UTP25: variants seen among roughly 807,000 people sequenced by gnomAD.
UTP25 encodes the protein UTP25 small subunit processome component, also known as U3 small nucleolar RNA-associated protein 25 homolog.
UTP25 carries 50 observed loss-of-function variants against 78.9 expected under a neutral mutation model. The ratio of observed to expected loss-of-function variants is 0.63; its 90% CI spans 0.50 to 0.80. The LOEUF (loss-of-function observed/expected upper bound fraction) is 0.80. Among genes scored for constraint, UTP25 ranks in the 30% least tolerant of loss-of-function variants. The pLI, the probability that UTP25 is intolerant of heterozygous loss-of-function variation, is 0.00. For missense variants in UTP25, 846 were observed against 911.3 expected (o/e 0.93, Z 0.92); for synonymous variants, 329 against 336.5 (o/e 0.98, Z 0.24).
At chr1:209,838,435 T>G (rs1463756938) in intron 6 of UTP25, among the ~76,000 whole-genome samples, 1 of 152,154 alleles carries the variant, frequency 6.6e-6, no homozygotes, top group African/African-American at 2.4e-5. Flanking sequence ...AATGTAATGA[T>G]GTGTTAATCC....
intron 11 of UTP25, chr1:209,843,982 G>T: frequency 2.7e-6 from 1 of 364,124 alleles, no homozygotes. Flanking sequence ...GGACATTACA[G>T]GACAACTCAA....
At position 209,851,201 on chromosome 1, in the gene UTP25, C is replaced by T. The variant is rs1170586831; in HGVS notation, c.2028-3C>T. ...CATAGCTCTTTCTTTCCAATTCTGA[C>T]AGGTATACAATAAAAGGCATCAGGA... is the stretch of plus-strand genomic sequence containing the variant. On this transcript the variant is annotated splice_region_variant and splice_polypyrimidine_tract_variant and intron_variant, in intron 11 of 11. Transcript: ENST00000491415. 3 of 1,608,966 alleles carry T rather than the reference C, an allele frequency of 1.9e-6. No homozygotes were observed. Among genetic ancestry groups the T allele is most frequent in the East Asian group, 4.5e-5 (2 of 44,842 alleles).
At chr1:209,842,550 T>G (rs1458540529) in intron 9 of UTP25, 33 bp from the exon 10 acceptor site, 7 of 1,610,792 alleles carry the variant, frequency 4.3e-6, no homozygotes, top group Non-Finnish European at 5.1e-6. Flanking sequence ...AGGGGATGGC[T>G]GTCCACCTAA....
chr1:209,828,100 C>G lies in UTP25; in HGVS notation c.37C>G (p.Leu13Val), dbSNP rs1558050153. 1 of 1,614,202 alleles carries G rather than the reference C, an allele frequency of 6.2e-7. No individual in the cohort carries two copies. The highest frequency in any genetic ancestry group is 1.1e-5 in the South Asian group (1 of 91,092). ...CGGGAGCCGGAGCCAGAGCCAGCTA[C>G]TCAACACCCTAACTAAAAAGCAGAA... ...KRGSRSQSQL[L>V]NTLTKKQKKH... The change falls in exon 1 of 12, where the codon CTC (leucine) becomes GTC (valine). Residue 13 changes from leucine to valine, a missense_variant. Leu to Val is a conservative substitution (Grantham distance 32). Coordinates refer to ENST00000491415, the MANE Select transcript of UTP25 (RefSeq NM_014388.7).
rs1219572440 is a variant in UTP25, at chr1:209,851,395, A to G, written c.2219A>G (p.Gln740Arg). The change falls in exon 12 of 12, where the codon CAG (glutamine) becomes CGG (arginine). Residue 740 changes from glutamine to arginine, a missense_variant. Transcript: ENST00000491415. The part of the protein sequence containing the change: ...AAVVGVERAA[Q>R]MLQSNKNVHL... Reference sequence around the variant, plus strand: ...GTGGTTGGTGTGGAGCGGGCGGCACAGATGCTACAGTCCAACAAGAATGTC... The same window carrying G: ...GTGGTTGGTGTGGAGCGGGCGGCACGGATGCTACAGTCCAACAAGAATGTC... The G allele has an allele frequency of 1.9e-6, 3 of 1,613,722 alleles. No individual in the cohort carries two copies. The highest frequency in any genetic ancestry group is 8.5e-7 in the Non-Finnish European group (1 of 1,179,896).
chr1:209,835,187 G>A (rs760826531), intron 5 of UTP25, 24 bp downstream of exon 5: 13 of 1,597,990 alleles, frequency 8.1e-6, no homozygotes, highest in Non-Finnish European at 1.0e-5. Flanking sequence ...GGTCATCCCG[G>A]TCACAAATAG....
Position 209,842,275 on chromosome 1 carries a change from A to G in UTP25, c.1496A>G (p.Asn499Ser), listed in dbSNP as rs1163296899. 2.5e-6 allele frequency: 4 copies of G among 1,613,642 alleles called. No individual in the cohort carries two copies. Among genetic ancestry groups the G allele is most frequent in the Non-Finnish European group, 2.5e-6 (3 of 1,179,918 alleles). The change falls in exon 9 of 12, where the codon AAT becomes AGT. Residue 499 changes from asparagine (N) to serine (S), a missense_variant. Transcript: ENST00000491415. ...QNWEHVLHLM[N>S]HMNLLPLDSH... ...TATTTCCACTCAAAGCATTTGATGA[A>G]TCACATGAACCTACTACCCCTGGAC... is the stretch of plus-strand genomic sequence containing the variant.
At chr1:209,847,855 A>G (rs553800253) in intron 11 of UTP25, among the ~76,000 whole-genome samples, 2 of 152,352 alleles carry the variant, frequency 1.3e-5, no homozygotes. Context: ...ACAGCCCCCA[A>G]CCACAAAGAA....
chr1:209,849,195 G>T (rs1488074410), intron 11 of UTP25, among the ~76,000 whole-genome samples: 3 of 152,166 alleles, frequency 2.0e-5, no homozygotes, highest in East Asian at 1.9e-4. Context: ...AAGCTTTGGG[G>T]GTGAGGTTTT....
chr1:209,830,500 TA>T (rs5780540), intron 2 of UTP25, among the ~76,000 whole-genome samples: 1,718 of 141,056 alleles, frequency 0.012, 25 homozygotes, highest in African/African-American at 0.037. Context: ...TACAACAAAC[TA>T]AAAAAAAAAA....
chr1:209,847,264 G>A (rs894091964), intron 11 of UTP25, among the ~76,000 whole-genome samples: 1 of 152,052 alleles, frequency 6.6e-6, no homozygotes, highest in African/African-American at 2.4e-5. Flanking sequence ...ATTTCATTGT[G>A]AAAGAAAATT....
rs2078286935 is a variant in UTP25, at chr1:209,857,517, T to C, written c.*6070T>C. 6.6e-6 allele frequency: 1 copy of C among 152,154 alleles called. No homozygotes were observed. The highest frequency in any genetic ancestry group is 1.5e-5 in the Non-Finnish European group (1 of 68,018). The allele number at this position is 152,154 out of a possible 1,614,324, so 9.4% of individuals were successfully genotyped here. A position where few individuals can be genotyped will look rare whatever the true frequency, so the allele number is the denominator to read the frequency against. On this transcript the variant is annotated 3_prime_UTR_variant, in exon 12 of 12. Coordinates refer to ENST00000491415, the MANE Select transcript of UTP25 (RefSeq NM_014388.7). ...TGCATGAATAATAACCAACAATGTG[T>C]GTGTATGTATATATATGCTTTTGCA...
intron 1 of UTP25, among the ~76,000 whole-genome samples, chr1:209,829,302 T>C (rs1030940866): frequency 7.9e-5 from 12 of 152,194 alleles, no homozygotes; most frequent in African/African-American, 2.7e-4. Context: ...CATCATATGT[T>C]GTGTGTGTTT....
chr1:209,832,013 G>T (rs1285366420), intron 3 of UTP25, among the ~76,000 whole-genome samples: 3 of 150,176 alleles, frequency 2.0e-5, no homozygotes, highest in Non-Finnish European at 3.0e-5. Context: ...ATACCTTCTG[G>T]TATTATATAT....
chr1:209,851,066 G>A lies in UTP25; in HGVS notation c.2028-138G>A, dbSNP rs534403494. The A allele has an allele frequency of 5.6e-6, 5 of 894,632 alleles. No homozygotes were observed. The Admixed American group carries it at 1.3e-4, about 23-fold the overall frequency. The allele number at this position is 894,632 out of a possible 1,614,324, so 55.4% of individuals were successfully genotyped here. ...GCCACCTCAAGTTAGAATAACTTTTGTTCTGTTACTTGTGCCACTGTTTTT... is the reference window on the plus strand; with the variant it reads ...GCCACCTCAAGTTAGAATAACTTTTATTCTGTTACTTGTGCCACTGTTTTT... On this transcript the variant is annotated intron_variant, in intron 11 of 11. Coordinates refer to ENST00000491415, the MANE Select transcript of UTP25 (RefSeq NM_014388.7).
At chr1:209,837,721 A>G (rs1440566522) in intron 6 of UTP25, among the ~76,000 whole-genome samples, 2 of 152,220 alleles carry the variant, frequency 1.3e-5, no homozygotes, top group African/African-American at 4.8e-5. Flanking sequence ...TACATTTGCC[A>G]CTGTAAAGTT....
rs1312888138 is a variant in UTP25, at chr1:209,843,236, C to T, written c.1782-215C>T. The T allele has an allele frequency of 1.2e-5, 7 of 593,568 alleles. No individual in the cohort carries two copies. In the Admixed American group the frequency reaches 1.9e-4, roughly 16 times the overall value. 36.8% of individuals were successfully genotyped at this position (593,568 alleles called of 1,614,324 possible). ...TCTCTGGGATATAATGGTATTACAT[C>T]TGTTTTTTACAATGAATAGTGTTGA... On this transcript the variant is annotated intron_variant, in intron 10 of 11. Coordinates refer to ENST00000491415, the MANE Select transcript of UTP25 (RefSeq NM_014388.7).
rs539339479 is a variant in UTP25 at position 209,850,439 on chromosome 1, A to G, written c.2028-765A>G. ...AGAAATAAAATCCCCAAGGGAGTCT[A>G]ACGTCTTCAGTGTATGAGAGAAACT... On this transcript the variant is annotated intron_variant, in intron 11 of 11. Coordinates refer to ENST00000491415, the MANE Select transcript of UTP25 (RefSeq NM_014388.7). 1.2e-4 allele frequency among the ~76,000 whole-genome samples: 19 copies of G among 152,378 alleles called. No individual in the cohort carries two copies. The South Asian group carries it at 3.9e-3, about 32-fold the overall frequency.
rs935398606 is a variant in UTP25 at position 209,852,807 on chromosome 1, C to A, written c.*1360C>A. 1 of 152,186 alleles carries A rather than the reference C, an allele frequency of 6.6e-6. No homozygotes were observed. The allele number at this position is 152,186 out of a possible 1,614,324, so 9.4% of individuals were successfully genotyped here. On this transcript the variant is annotated 3_prime_UTR_variant, in exon 12 of 12. Transcript: ENST00000491415. ...ATGTATGCACACACATATGTACACACGTTGTCTAAATTTGCTTCACATTAA... is the reference window on the plus strand; with the variant it reads ...ATGTATGCACACACATATGTACACAAGTTGTCTAAATTTGCTTCACATTAA...
Sources: gnomAD v4.1 joint callset for allele counts (sites outside exome capture counted in the v4.1 genomes callset) on GRCh38, gnomAD v4.1.1 for gene constraint, MANE v1.5 for transcripts, NCBI Gene and HGNC (gene_info 2026-07-23, HGNC 2026-07-21) for gene names.